Variants in ANKRD31 observed in about 807,000 individuals in gnomAD.
The protein encoded by ANKRD31 is ankyrin repeat domain 31, also known as ankyrin repeat domain-containing protein 31.
Under a neutral mutation model 186.0 loss-of-function variants are expected in ANKRD31, and 147 were observed. The observed-to-expected ratio is 0.79, with a 90% CI of 0.69 to 0.91. The LOEUF (loss-of-function observed/expected upper bound fraction) is 0.91, where lower values mean the gene tolerates loss of function less well. Ranked by LOEUF, ANKRD31 falls within the 40% of genes least tolerant of loss-of-function variation. The pLI, the probability that ANKRD31 is intolerant of heterozygous loss-of-function variation, is 0.00. For synonymous variants in ANKRD31, 673 were observed against 736.4 expected (o/e 0.91, Z 1.39); for missense variants, 1,986 against 2,148.8 (o/e 0.92, Z 1.50).
chr5:75,139,489 C>G (rs1478273764), intron 15 of ANKRD31, among the ~76,000 whole-genome samples: 1 of 152,034 alleles, frequency 6.6e-6, no homozygotes, highest in Non-Finnish European at 1.5e-5. Context: ...CCTTGCAATA[C>G]AAGTTAGACA....
At position 75,223,099 on chromosome 5, in the gene ANKRD31, G is replaced by T. The variant is rs934409646; in HGVS notation, c.179-741C>A. Among the ~76,000 whole-genome samples the T allele has an allele frequency of 2.6e-5, 4 of 152,282 alleles. No homozygotes were observed. In the East Asian group the frequency reaches 7.7e-4, roughly 29 times the overall value. On this transcript the variant is annotated intron_variant, in intron 2 of 25. Transcript: ENST00000506364. ...TTCCTATTTCTTCACAGCCTTGACA[G>T]CATCTATTGTTTCCTGACTTTTTAA... is the stretch of plus-strand genomic sequence containing the variant.
chr5:75,136,998 A>C (rs1750635392), intron 17 of ANKRD31, among the ~76,000 whole-genome samples: 1 of 150,840 alleles, frequency 6.6e-6, no homozygotes, highest in African/African-American at 2.4e-5. Flanking sequence ...GGAACATCAC[A>C]CACCAGGGCT....
At chr5:75,175,808 G>T (rs557539632) in intron 10 of ANKRD31, among the ~76,000 whole-genome samples, 1 of 152,092 alleles carries the variant, frequency 6.6e-6, no homozygotes, top group South Asian at 2.1e-4. Context: ...CAGCGTGAGC[G>T]ATGCAGAAGA....
At chr5:75,142,939 T>G (rs1272702178) in intron 15 of ANKRD31, among the ~76,000 whole-genome samples, 1 of 152,196 alleles carries the variant, frequency 6.6e-6, no homozygotes, top group Non-Finnish European at 1.5e-5. Context: ...GTGGTAGCTG[T>G]AACAAATTAC....
intron 12 of ANKRD31, among the ~76,000 whole-genome samples, chr5:75,151,603 A>G (rs1015959164): frequency 6.6e-6 from 1 of 152,096 alleles, no homozygotes; most frequent in Non-Finnish European, 1.5e-5. Flanking sequence ...TGAGTCAATT[A>G]AATCTCTTTC....
chr5:75,166,470 T>TAAAACA (rs1029931674), intron 11 of ANKRD31, among the ~76,000 whole-genome samples: 22 of 152,050 alleles, frequency 1.4e-4, no homozygotes, highest in African/African-American at 3.6e-4. Flanking sequence ...AACTCTTGTC[T>TAAAACA]AAAACAAAAA....
chr5:75,192,802 TG>T, intron 8 of ANKRD31, 26 bp from the exon 9 acceptor site: 1 of 1,468,242 alleles, frequency 6.8e-7, no homozygotes, highest in Non-Finnish European at 9.1e-7. Context: ...ATTTTTTAAA[TG>T]GCTATAACGG....
chr5:75,178,149 C>A (rs758924590), intron 10 of ANKRD31, among the ~76,000 whole-genome samples: 3 of 152,182 alleles, frequency 2.0e-5, no homozygotes, highest in South Asian at 2.1e-4. Context: ...GCCATTACAT[C>A]ATGGTAAAGT....
intron 3 of ANKRD31, among the ~76,000 whole-genome samples, chr5:75,219,393 A>G (rs965766568): frequency 6.6e-6 from 1 of 152,012 alleles, no homozygotes; most frequent in Non-Finnish European, 1.5e-5. Flanking sequence ...CACAATTGCC[A>G]AAACAACAAC....
At chr5:75,222,207 C>T (rs1051511071) in intron 3 of ANKRD31, 42 bp downstream of exon 3, 3 of 1,394,316 alleles carry the variant, frequency 2.2e-6, no homozygotes, top group East Asian at 2.7e-5. Flanking sequence ...GATAGCATTT[C>T]CAATTTTTAA....
chr5:75,094,560 A>G (rs947893109), intron 22 of ANKRD31, among the ~76,000 whole-genome samples: 1 of 152,198 alleles, frequency 6.6e-6, no homozygotes, highest in Non-Finnish European at 1.5e-5. Flanking sequence ...TAAAGAAATT[A>G]GAATTCTACA....
At chr5:75,104,203 T>A (rs1292218865) in intron 22 of ANKRD31, 25 bp downstream of exon 22, 2 of 1,446,542 alleles carry the variant, frequency 1.4e-6, no homozygotes, top group African/African-American at 2.9e-5. Flanking sequence ...ATTTGCATGA[T>A]TTTAGAGAAA....
In ANKRD31 at chr5:75,104,278, A is replaced by G. The variant is rs1262874947; in HGVS notation, c.5281T>C (p.Leu1761=). The change falls in exon 22 of 26, where the codon TTA becomes CTA. Residue 1761 remains leucine (L), a synonymous_variant. Coordinates refer to ENST00000506364, the MANE Select transcript of ANKRD31 (RefSeq NM_001372053.1). ...TTTCCTGGGTTAATTCTTCCTAGTAATATCAAATCTTTTATCTGAATACAT... is the reference window on the plus strand; with the variant it reads ...TTTCCTGGGTTAATTCTTCCTAGTAGTATCAAATCTTTTATCTGAATACAT... ...KKCIQIKDLI[L]LGRINPGNNI... 2 of 1,531,928 alleles carry G rather than the reference A, an allele frequency of 1.3e-6. No homozygotes were observed. The highest frequency in any genetic ancestry group is 1.2e-5 in the South Asian group (1 of 82,590). The allele number at this position is 1,531,928 out of a possible 1,614,324, so 94.9% of individuals were successfully genotyped here. A position where few individuals can be genotyped will look rare whatever the true frequency, so the allele number is the denominator to read the frequency against.
chr5:75,193,373 A>T lies in ANKRD31; in HGVS notation c.1236T>A (p.Ile412=), dbSNP rs1314293352. Residue 412 remains isoleucine, a synonymous_variant, in exon 8 of 26, where the codon ATT becomes ATA. Transcript: ENST00000506364. ...SDHMYKMPEK[I]LPKILGCEDL... is the part of the protein sequence containing the mutation. ...CCTCACAGCCAAGGATTTTTGGTAA[A>T]ATCTTTTCTGGCATCTTATACATGT... 5.9e-6 allele frequency: 9 copies of T among 1,536,916 alleles called. No homozygotes were observed. The highest frequency in any genetic ancestry group is 7.8e-6 in the Non-Finnish European group (9 of 1,146,684).
At position 75,236,804 on chromosome 5, in the gene ANKRD31, C is replaced by T. The variant is rs1758300815; in HGVS notation, c.-118G>A. The T allele has an allele frequency of 1.2e-6, 1 of 865,348 alleles. No individual in the cohort carries two copies. The highest frequency in any genetic ancestry group is 1.7e-5 in the African/African-American group (1 of 57,262). 53.6% of individuals were successfully genotyped at this position (865,348 alleles called of 1,614,324 possible). A position where few individuals can be genotyped will look rare whatever the true frequency, so the allele number is the denominator to read the frequency against. On this transcript the variant is annotated 5_prime_UTR_variant, in exon 1 of 26. Coordinates refer to ENST00000506364, the MANE Select transcript of ANKRD31 (RefSeq NM_001372053.1). ...ATTAAAAATAAAAATAATATAATCG[C>T]AGCAGGAGCCGGGACTTGTCGCAGG...
rs927934322 is a variant in ANKRD31, at chr5:75,118,403, T to C, written c.3877-106A>G. 4 of 1,128,146 alleles carry C rather than the reference T, an allele frequency of 3.5e-6. No individual in the cohort carries two copies. The African/African-American group carries it at 6.4e-5, about 18-fold the overall frequency. The allele number at this position is 1,128,146 out of a possible 1,614,324, so 69.9% of individuals were successfully genotyped here. On this transcript the variant is annotated intron_variant, in intron 17 of 25. Coordinates refer to ENST00000506364, the MANE Select transcript of ANKRD31 (RefSeq NM_001372053.1). ...AGCATTAAAAGCTATCAAAAGAATG[T>C]TTTCAAACTCAGGTCAAGAAAATTT...
chr5:75,104,748 G>A lies in ANKRD31; in HGVS notation c.4811C>T (p.Ser1604Phe), dbSNP rs1747193518. 1.3e-6 allele frequency: 2 copies of A among 1,537,232 alleles called. No homozygotes were observed. The highest frequency in any genetic ancestry group is 1.7e-6 in the Non-Finnish European group (2 of 1,146,896). Residue 1604 changes from serine (S) to phenylalanine (F), a missense_variant, in exon 22 of 26, where the codon TCC (serine) becomes TTC (phenylalanine). By Grantham distance (155) the Ser-to-Phe change is radical. Coordinates refer to ENST00000506364, the MANE Select transcript of ANKRD31 (RefSeq NM_001372053.1). ...TTGACCAATAAAAGCAACAGGTTGG[G>A]ATGGTAATTTATTCTTCTCTGTGCC... ...SDGTEKNKLP[S>F]QPVAFIGQTE...
intron 7 of ANKRD31, among the ~76,000 whole-genome samples, chr5:75,194,030 C>G (rs75542122): frequency 0.012 from 1,757 of 152,228 alleles, 21 homozygotes; most frequent in South Asian, 0.035. Context: ...AGTACATAAC[C>G]TCCATTACAT....
intron 23 of ANKRD31, among the ~76,000 whole-genome samples, chr5:75,090,763 C>T (rs1377315104): frequency 6.6e-6 from 1 of 152,166 alleles, no homozygotes; most frequent in Non-Finnish European, 1.5e-5. Flanking sequence ...GAAGGGCTAG[C>T]AATTCATGGA....
Sources: allele counts gnomAD v4.1 joint callset (sites outside exome capture counted in the v4.1 genomes callset), GRCh38; gene constraint gnomAD v4.1.1; transcripts MANE v1.5; gene names NCBI Gene and HGNC (gene_info 2026-07-23, HGNC 2026-07-21).